KIAA1217: variants seen among roughly 807,000 people sequenced by gnomAD.
The protein encoded by KIAA1217 is KIAA1217.
Under a neutral mutation model 163.9 loss-of-function variants are expected in KIAA1217, and 88 were observed. The observed-to-expected ratio is 0.54, with a 90% confidence interval of 0.45 to 0.64. The LOEUF is 0.64. KIAA1217 is among the 30% of genes least tolerant of loss of function. The pLI is 0.00. For missense variants in KIAA1217, 2,372 were observed against 2,475.0 expected, an observed-to-expected ratio of 0.96 and a Z score of 0.88; for synonymous variants, 903 against 923.1, an observed-to-expected ratio of 0.98 and a Z score of 0.39.
At chr10:23,864,523 A>AACACACACAC (rs10544205) in intron 1 of KIAA1217, among the ~76,000 whole-genome samples, 38 of 147,344 alleles carry the variant, frequency 2.6e-4, no homozygotes, top group Middle Eastern at 3.5e-3. Context: ...TACACACACC[A>AACACACACAC]ACACACACAC....
intron 2 of KIAA1217, among the ~76,000 whole-genome samples, chr10:24,256,421 C>T (rs747113343): frequency 4.6e-5 from 7 of 152,188 alleles, no homozygotes; most frequent in Non-Finnish European, 8.8e-5. Flanking sequence ...AGCAAACCCT[C>T]AAGCATGAAA....
At chr10:24,378,294 T>C (rs2134719327) in intron 2 of KIAA1217, among the ~76,000 whole-genome samples, 1 of 152,270 alleles carries the variant, frequency 6.6e-6, no homozygotes, top group South Asian at 2.1e-4. Context: ...AGAATTTGAT[T>C]GATCCAGCTA....
chr10:24,032,586 T>C (rs1848232658), intron 2 of KIAA1217, among the ~76,000 whole-genome samples: 1 of 152,182 alleles, frequency 6.6e-6, no homozygotes, highest in South Asian at 2.1e-4. Flanking sequence ...TATGTAAGTC[T>C]CATTAGAATC....
chr10:23,904,703 T>A (rs1175710822), intron 1 of KIAA1217, among the ~76,000 whole-genome samples: 4 of 152,070 alleles, frequency 2.6e-5, no homozygotes, highest in African/African-American at 9.7e-5. Flanking sequence ...TACATCTGAC[T>A]TCATGGAGGG....
intron 17 of KIAA1217, 26 bp downstream of exon 17, chr10:24,536,919 A>G (rs771283476): frequency 6.2e-7 from 1 of 1,612,588 alleles, no homozygotes. Context: ...CACATTTGCC[A>G]CACGGTTGGG....
chr10:24,430,793 G>C (rs774904040), intron 3 of KIAA1217, among the ~76,000 whole-genome samples: 1 of 152,192 alleles, frequency 6.6e-6, no homozygotes, highest in Non-Finnish European at 1.5e-5. Flanking sequence ...ACAGTGATTC[G>C]AGCAATGGGG....
chr10:24,131,646 C>T (rs1050157986), intron 2 of KIAA1217, among the ~76,000 whole-genome samples: 6 of 152,000 alleles, frequency 3.9e-5, no homozygotes, highest in African/African-American at 1.5e-4. Flanking sequence ...TGCCTACAGG[C>T]CCGAGAAAAT....
chr10:23,876,217 A>C lies in KIAA1217; in HGVS notation c.-320-131008A>C, dbSNP rs1054403167. Reference sequence around the variant, plus strand: ...AGCTGGATGCCATTATCCTGAGTGAATTAACACAGAAACAGAAATGCAAAT... The same window carrying C: ...AGCTGGATGCCATTATCCTGAGTGACTTAACACAGAAACAGAAATGCAAAT... On this transcript the variant is annotated intron_variant, in intron 1 of 18. Transcript: ENST00000376462. 7.9e-5 allele frequency among the ~76,000 whole-genome samples: 12 copies of C among 152,124 alleles called. 1 individual carries two copies. Among genetic ancestry groups the C allele is most frequent in the Admixed American group, 7.2e-4 (11 of 15,256 alleles).
At chr10:24,275,605 A>T (rs978382212) in intron 2 of KIAA1217, 4 of 461,142 alleles carry the variant, frequency 8.7e-6, no homozygotes, top group Non-Finnish European at 1.8e-5. Flanking sequence ...TCTGCTAGTA[A>T]TGAGGACTGA....
At chr10:24,104,433 CAT>C (rs1202808480) in intron 2 of KIAA1217, among the ~76,000 whole-genome samples, 4 of 152,048 alleles carry the variant, frequency 2.6e-5, no homozygotes, top group Non-Finnish European at 5.9e-5. Flanking sequence ...AAATATATGA[CAT>C]AGGTCTCTAT....
chr10:23,719,367 G>A (rs978731477), intron 1 of KIAA1217, among the ~76,000 whole-genome samples: 1 of 152,082 alleles, frequency 6.6e-6, no homozygotes, highest in Non-Finnish European at 1.5e-5. Context: ...GATCACTTGA[G>A]GCCAGGCATT....
intron 1 of KIAA1217, among the ~76,000 whole-genome samples, chr10:23,894,272 G>A (rs1841572080): frequency 6.6e-6 from 1 of 151,970 alleles, no homozygotes; most frequent in Non-Finnish European, 1.5e-5. Context: ...TCCTTCAGCT[G>A]ATAAGCAACT....
chr10:24,265,852 C>T (rs1446674184), intron 2 of KIAA1217, among the ~76,000 whole-genome samples: 1 of 152,018 alleles, frequency 6.6e-6, no homozygotes, highest in African/African-American at 2.4e-5. Flanking sequence ...GAATGCTTAG[C>T]AAGGGGGACT....
intron 1 of KIAA1217, among the ~76,000 whole-genome samples, chr10:23,763,193 T>G (rs1028592250): frequency 2.6e-5 from 4 of 152,208 alleles, no homozygotes; most frequent in African/African-American, 9.6e-5. Context: ...CTGCCCAAAG[T>G]AATTTATAGA....
chr10:24,310,997 CAAACA>C (rs2042624705), intron 2 of KIAA1217, among the ~76,000 whole-genome samples: 1 of 152,268 alleles, frequency 6.6e-6, no homozygotes, highest in East Asian at 1.9e-4. Context: ...GACCCTGTCT[CAAACA>C]AAACAAAACA....
At chr10:24,133,559 G>C (rs1333895151) in intron 2 of KIAA1217, among the ~76,000 whole-genome samples, 1 of 148,378 alleles carries the variant, frequency 6.7e-6, no homozygotes, top group African/African-American at 2.5e-5. Context: ...GCGACAGAGC[G>C]AGACTGTGTC....
chr10:23,703,226 G>A (rs1836604566), intron 1 of KIAA1217, among the ~76,000 whole-genome samples: 1 of 152,172 alleles, frequency 6.6e-6, no homozygotes, highest in Non-Finnish European at 1.5e-5. Flanking sequence ...TATATGTATA[G>A]AGCAGAGAGA....
chr10:24,011,094 GC>G (rs1385108395), intron 2 of KIAA1217, among the ~76,000 whole-genome samples: 1 of 152,122 alleles, frequency 6.6e-6, no homozygotes, highest in African/African-American at 2.4e-5. Context: ...TAGCTAGTGA[GC>G]CAGGTAGGGA....
chr10:24,149,836 A>G (rs1211933522), intron 2 of KIAA1217, among the ~76,000 whole-genome samples: 1 of 152,326 alleles, frequency 6.6e-6, no homozygotes, highest in African/African-American at 2.4e-5. Context: ...CATTGTATAC[A>G]TATATCAAAA....
Sources: gnomAD v4.1 joint callset for allele counts (sites outside exome capture counted in the v4.1 genomes callset) on GRCh38, gnomAD v4.1.1 for gene constraint, MANE v1.5 for transcripts, NCBI Gene and HGNC (gene_info 2026-07-23, HGNC 2026-07-21) for gene names.